Variants in ULK4 observed in about 807,000 individuals in gnomAD.
ULK4 encodes inactive serine/threonine-protein kinase ULK4.
ULK4 carries 133 observed loss-of-function variants against 160.6 expected under a neutral mutation model. That is an observed-to-expected ratio of 0.83 (90% confidence interval 0.72 to 0.96). The LOEUF (loss-of-function observed/expected upper bound fraction) is 0.96. Ranked by LOEUF, ULK4 falls within the 40% of genes least tolerant of loss-of-function variation. The pLI is 0.00. For synonymous variants in ULK4, 534 were observed against 539.8 expected (o/e 0.99, Z 0.15); for missense variants, 1,580 against 1,499.5 (o/e 1.05, Z -0.89).
At chr3:41,305,791 C>T (rs2079904162) in intron 35 of ULK4, among the ~76,000 whole-genome samples, 1 of 150,606 alleles carries the variant, frequency 6.6e-6, no homozygotes, top group Admixed American at 6.6e-5. Flanking sequence ...CTCTTCCCGG[C>T]CGCCATCACA....
At chr3:41,961,366 G>C (rs1700659719) in intron 1 of ULK4, among the ~76,000 whole-genome samples, 1 of 152,128 alleles carries the variant, frequency 6.6e-6, no homozygotes, top group South Asian at 2.1e-4. Flanking sequence ...GGTAGGGCCT[G>C]GCCTTCTGTG....
chr3:41,915,087 T>C (rs553375123), intron 8 of ULK4, among the ~76,000 whole-genome samples: 1 of 152,302 alleles, frequency 6.6e-6, no homozygotes. Flanking sequence ...CAAAAAATTA[T>C]ATAGCATACA....
At chr3:41,800,709 C>G (rs1416796841) in intron 19 of ULK4, among the ~76,000 whole-genome samples, 2 of 152,172 alleles carry the variant, frequency 1.3e-5, no homozygotes, top group Admixed American at 6.5e-5. Context: ...TAGGAATAAT[C>G]TGAGCACCGA....
chr3:41,708,151 T>TCCAACTA (rs2036969238), intron 25 of ULK4, among the ~76,000 whole-genome samples: 1 of 147,978 alleles, frequency 6.8e-6, no homozygotes, highest in Admixed American at 6.6e-5. Flanking sequence ...GATTAAGCAA[T>TCCAACTA]CCAACTACTG....
At chr3:41,887,098 G>T (rs541486541) in intron 16 of ULK4, among the ~76,000 whole-genome samples, 1 of 152,290 alleles carries the variant, frequency 6.6e-6, no homozygotes, top group East Asian at 1.9e-4. Context: ...TACTCAGTGG[G>T]AGTCTGTATA....
chr3:41,477,878 G>A (rs1035173352), intron 32 of ULK4, among the ~76,000 whole-genome samples: 10 of 152,210 alleles, frequency 6.6e-5, no homozygotes, highest in Non-Finnish European at 8.8e-5. Flanking sequence ...AAACATTTCT[G>A]AATCATCTCA....
intron 21 of ULK4, among the ~76,000 whole-genome samples, chr3:41,781,261 C>T (rs1252934847): frequency 2.0e-5 from 3 of 151,558 alleles, no homozygotes; most frequent in African/African-American, 4.8e-5. Context: ...ACTAAAAATA[C>T]AAAAAATTAG....
intron 22 of ULK4, among the ~76,000 whole-genome samples, chr3:41,725,234 C>T (rs1164972470): frequency 6.6e-6 from 1 of 152,162 alleles, no homozygotes; most frequent in Non-Finnish European, 1.5e-5. Flanking sequence ...TACTGCTTTA[C>T]CTTTACAAAT....
Position 41,561,045 on chromosome 3 carries a change from C to G in ULK4, c.3226+4980G>C, listed in dbSNP as rs192499842. Among the ~76,000 whole-genome samples, 6 of 152,236 alleles carry G rather than the reference C, an allele frequency of 3.9e-5. No individual in the cohort carries two copies. In the East Asian group the frequency reaches 1.2e-3, roughly 29 times the overall value. ...TATTTTGAGATACGTTCCTTCAATA[C>G]CTAGTTTATTGAGAGTTTTTAGCAT... On this transcript the variant is annotated intron_variant, in intron 32 of 36. Coordinates refer to ENST00000301831, the MANE Select transcript of ULK4 (RefSeq NM_017886.4).
chr3:41,793,044 G>A (rs1210032141), intron 20 of ULK4, among the ~76,000 whole-genome samples: 1 of 152,122 alleles, frequency 6.6e-6, no homozygotes, highest in Admixed American at 6.5e-5. Flanking sequence ...CTGCTGGCGG[G>A]TGCCTGTAAT....
chr3:41,915,978 T>G lies in ULK4; in HGVS notation c.802A>C (p.Arg268=). ...DGLLQRDPQK[R]LTWTRLLQHS... is the part of the protein sequence containing the mutation. ...AAAAGATCGAACTACTGTCCCTACC[T>G]TTTCTGAGGATCTCTTTGAAGTAAC... Residue 268 remains arginine (R), a splice_region_variant and synonymous_variant, in exon 8 of 37, where the codon AGA becomes CGA. Coordinates refer to ENST00000301831, the MANE Select transcript of ULK4 (RefSeq NM_017886.4). The G allele has an allele frequency of 1.3e-6, 2 of 1,587,742 alleles. No individual in the cohort carries two copies. The highest frequency in any genetic ancestry group is 1.7e-6 in the Non-Finnish European group (2 of 1,172,222).
chr3:41,942,827 T>G (rs1187870479), intron 2 of ULK4, among the ~76,000 whole-genome samples: 1 of 118,408 alleles, frequency 8.4e-6, no homozygotes, highest in African/African-American at 2.6e-5. Context: ...AAAAAATAAA[T>G]TAATTAATTT....
At chr3:41,454,531 C>T (rs2125870511) in intron 34 of ULK4, among the ~76,000 whole-genome samples, 2 of 103,854 alleles carry the variant, frequency 1.9e-5, no homozygotes, top group South Asian at 6.1e-4. Context: ...GAGAGCAAGA[C>T]TTCATCTCAA....
rs56148023 is a variant in ULK4 at position 41,670,196 on chromosome 3, C to T, written c.2979-6497G>A. 3.2e-3 allele frequency among the ~76,000 whole-genome samples: 490 copies of T among 152,218 alleles called. 2 individuals are homozygous for T. The highest frequency in any genetic ancestry group is 0.011 in the African/African-American group (471 of 41,536). Reference sequence around the variant, plus strand: ...TGGGTTTAGGTAAAGAGCAGGCTGCCAAACAGCAAGGACACTGAGGTAAAA... The same window carrying T: ...TGGGTTTAGGTAAAGAGCAGGCTGCTAAACAGCAAGGACACTGAGGTAAAA... On this transcript the variant is annotated intron_variant, in intron 29 of 36. Transcript: ENST00000301831.
At chr3:41,760,523 T>C (rs1365866799) in intron 21 of ULK4, among the ~76,000 whole-genome samples, 13 of 152,208 alleles carry the variant, frequency 8.5e-5, no homozygotes, top group Non-Finnish European at 1.0e-4. Flanking sequence ...TCCAAAAATC[T>C]GAAATCTGTA....
chr3:41,369,770 G>T, intron 35 of ULK4, among the ~76,000 whole-genome samples: 1 of 149,708 alleles, frequency 6.7e-6, no homozygotes, highest in African/African-American at 2.5e-5. Flanking sequence ...CTCCAGCCTG[G>T]GTGACAGAGT....
intron 32 of ULK4, among the ~76,000 whole-genome samples, chr3:41,492,808 G>A (rs1433502331): frequency 7.1e-4 from 103 of 146,050 alleles, no homozygotes; most frequent in African/African-American, 1.1e-3. Flanking sequence ...CTTTAAACCA[G>A]CAAAGATCAA....
intron 4 of ULK4, among the ~76,000 whole-genome samples, chr3:41,934,632 A>G (rs562595215): frequency 1.3e-5 from 2 of 152,316 alleles, no homozygotes; most frequent in East Asian, 3.9e-4. Flanking sequence ...GAAGCAGGGT[A>G]ATTTGTCCGG....
At chr3:41,776,550 T>C (rs1390109718) in intron 21 of ULK4, among the ~76,000 whole-genome samples, 1 of 150,896 alleles carries the variant, frequency 6.6e-6, no homozygotes, top group Non-Finnish European at 1.5e-5. Context: ...AGATACAAAA[T>C]GATCTCTGAG....
Sources: allele counts gnomAD v4.1 joint callset (sites outside exome capture counted in the v4.1 genomes callset), GRCh38; gene constraint gnomAD v4.1.1; transcripts MANE v1.5; gene names NCBI Gene and HGNC (gene_info 2026-07-23, HGNC 2026-07-21).